HPSE2: variants seen among roughly 807,000 people sequenced by gnomAD.
The protein encoded by HPSE2 is heparanase 2 (inactive).
A neutral mutation model predicts 60.5 loss-of-function variants in HPSE2; 38 were observed. The observed-to-expected ratio is 0.63, with a 90% confidence interval of 0.48 to 0.82. The LOEUF (loss-of-function observed/expected upper bound fraction) is 0.82. Ranked by LOEUF, HPSE2 falls within the 40% of genes least tolerant of loss-of-function variation. The probability of loss-of-function intolerance (pLI) is 0.00; values close to 1 mark genes in which losing one functional copy is unlikely to be tolerated. For missense variants in HPSE2, 713 were observed against 740.4 expected, an observed-to-expected ratio of 0.96 and a Z score of 0.43; for synonymous variants, 295 against 293.2, an observed-to-expected ratio of 1.01 and a Z score of -0.06.
At chr10:99,266,755 C>T in the HPSE2 span, among the ~76,000 whole-genome samples, 1 of 152,200 alleles carries the variant, frequency 6.6e-6, no homozygotes, top group African/African-American at 2.4e-5. Flanking sequence ...TTTTACTTCC[C>T]TGCCACCTCT....
chr10:99,149,368 T>G (rs942503427), intron 2 of HPSE2, among the ~76,000 whole-genome samples: 1 of 152,178 alleles, frequency 6.6e-6, no homozygotes, highest in African/African-American at 2.4e-5. Flanking sequence ...ATTAGGTATT[T>G]TCACCTATAT....
At chr10:98,725,818 G>C (rs184481042) in intron 4 of HPSE2, among the ~76,000 whole-genome samples, 221 of 152,194 alleles carry the variant, frequency 1.5e-3, no homozygotes, top group Non-Finnish European at 2.6e-3. Context: ...ATCAAAAAGT[G>C]GGCAAAGGAT....
intron 9 of HPSE2, among the ~76,000 whole-genome samples, chr10:98,599,138 T>C (rs752283911): frequency 1.2e-4 from 18 of 151,972 alleles, no homozygotes; most frequent in Non-Finnish European, 1.8e-4. Flanking sequence ...ACCTGAAGGA[T>C]AGGACAAAGG....
In HPSE2 at chr10:99,232,219, A is replaced by ATG. The variant is rs1849671918; in HGVS notation, c.448+128_448+129insCA. 25 of 830,320 alleles carry ATG rather than the reference A, an allele frequency of 3.0e-5. No individual in the cohort carries two copies. In the Admixed American group the frequency reaches 5.7e-4, roughly 19 times the overall value. 51.4% of individuals were successfully genotyped at this position (830,320 alleles called of 1,614,324 possible). ...CCCCAACGCGCGCGCGCGCATACAC[A>ATG]CACACACACACACACACACACACAC... is the stretch of plus-strand genomic sequence containing the variant. On this transcript the variant is annotated intron_variant, in intron 2 of 11. Coordinates refer to ENST00000370552, the MANE Select transcript of HPSE2 (RefSeq NM_021828.5).
At chr10:98,575,127 C>T (rs1354678881) in intron 9 of HPSE2, among the ~76,000 whole-genome samples, 1 of 151,084 alleles carries the variant, frequency 6.6e-6, no homozygotes, top group African/African-American at 2.4e-5. Flanking sequence ...GAAAAGGCGT[C>T]ATATAGGCTC....
chr10:99,274,153 C>T, the HPSE2 span, among the ~76,000 whole-genome samples: 1 of 152,172 alleles, frequency 6.6e-6, no homozygotes, highest in African/African-American at 2.4e-5. Flanking sequence ...TGAGACCAAC[C>T]TGGCCAACAT....
At chr10:98,739,474 G>GA (rs774076825) in intron 4 of HPSE2, among the ~76,000 whole-genome samples, 1 of 150,714 alleles carries the variant, frequency 6.6e-6, no homozygotes, top group Non-Finnish European at 1.5e-5. Flanking sequence ...AAGAAAAAAA[G>GA]AAAAAAAAGT....
chr10:98,689,881 G>C (rs1430788457), intron 6 of HPSE2, among the ~76,000 whole-genome samples: 1 of 152,154 alleles, frequency 6.6e-6, no homozygotes, highest in African/African-American at 2.4e-5. Flanking sequence ...AACTCTTTTA[G>C]ATTTCACTGG....
chr10:99,289,921 C>A, the HPSE2 span, among the ~76,000 whole-genome samples: 2 of 152,000 alleles, frequency 1.3e-5, no homozygotes, highest in Non-Finnish European at 2.9e-5. Flanking sequence ...GAGGACAGGG[C>A]AGTATAAATG....
intron 3 of HPSE2, among the ~76,000 whole-genome samples, chr10:98,788,196 A>G (rs1950570661): frequency 2.7e-5 from 1 of 37,528 alleles, no homozygotes; most frequent in Non-Finnish European, 7.5e-5. Flanking sequence ...CTGTTGGAAT[A>G]CCCTGCCGTG....
At chr10:98,909,636 A>T (rs868178277) in intron 3 of HPSE2, among the ~76,000 whole-genome samples, 47 of 136,384 alleles carry the variant, frequency 3.4e-4, no homozygotes, top group South Asian at 4.4e-4. Flanking sequence ...CTCAAAATTT[A>T]AAAAAAAAAA....
chr10:99,274,272 G>C, the HPSE2 span, among the ~76,000 whole-genome samples: 1 of 152,130 alleles, frequency 6.6e-6, no homozygotes, highest in Non-Finnish European at 1.5e-5. Context: ...GTTTGAACCT[G>C]GGAGACGGAG....
intron 2 of HPSE2, among the ~76,000 whole-genome samples, chr10:99,218,582 A>G (rs1849212086): frequency 1.3e-5 from 2 of 152,324 alleles, no homozygotes; most frequent in Admixed American, 1.3e-4. Flanking sequence ...TTGCCATGAG[A>G]AAAACAAAAG....
At chr10:98,488,766 G>A (rs1247897293) in intron 10 of HPSE2, among the ~76,000 whole-genome samples, 2 of 152,208 alleles carry the variant, frequency 1.3e-5, no homozygotes, top group African/African-American at 4.8e-5. Context: ...TCCAGGCCAA[G>A]GCCATAAAGC....
At chr10:98,892,482 G>A (rs780830314) in intron 3 of HPSE2, among the ~76,000 whole-genome samples, 20 of 152,188 alleles carry the variant, frequency 1.3e-4, no homozygotes, top group Non-Finnish European at 2.1e-4. Flanking sequence ...AGACATGGGA[G>A]TAAGCAAAAG....
intron 3 of HPSE2, among the ~76,000 whole-genome samples, chr10:99,031,975 C>G (rs965462227): frequency 5.9e-5 from 9 of 152,164 alleles, no homozygotes; most frequent in African/African-American, 2.2e-4. Context: ...TGAGAGAAAT[C>G]CCAACATTCA....
intron 3 of HPSE2, among the ~76,000 whole-genome samples, chr10:98,806,793 GA>G (rs1312254259): frequency 2.0e-5 from 3 of 152,144 alleles, no homozygotes; most frequent in Non-Finnish European, 4.4e-5. Flanking sequence ...TGCCTTTAAA[GA>G]TTTTTTTTAA....
intron 2 of HPSE2, among the ~76,000 whole-genome samples, chr10:99,203,499 C>T (rs1848643522): frequency 6.6e-6 from 1 of 150,826 alleles, no homozygotes; most frequent in Non-Finnish European, 1.5e-5. Context: ...TCCAGGCCCG[C>T]CCAGTGCCAG....
chr10:98,556,676 G>C (rs1944017187), intron 9 of HPSE2, among the ~76,000 whole-genome samples: 1 of 152,128 alleles, frequency 6.6e-6, no homozygotes, highest in African/African-American at 2.4e-5. Context: ...CAAAATAAAT[G>C]AAGGGATTTA....
Sources: gnomAD v4.1 joint callset for allele counts (sites outside exome capture counted in the v4.1 genomes callset) on GRCh38, gnomAD v4.1.1 for gene constraint, MANE v1.5 for transcripts, NCBI Gene and HGNC (gene_info 2026-07-23, HGNC 2026-07-21) for gene names.